The following NBAS variants were observed in gnomAD, a reference collection of about 807,000 sequenced individuals.
The protein encoded by NBAS is NBAS subunit of NRZ tethering complex, also known as NAG/BC035112 fusion.
In NBAS, 219 loss-of-function variants were observed where a neutral mutation model predicts 302.5. That is an observed-to-expected ratio of 0.72 (90% confidence interval 0.65 to 0.81). The LOEUF is 0.81. Ranked by LOEUF, NBAS falls within the 30% of genes least tolerant of loss-of-function variation. NBAS has a pLI of 0.00. For synonymous variants in NBAS, 1,118 were observed against 1,021.6 expected (o/e 1.09, Z -1.80); for missense variants, 2,932 against 2,841.6 (o/e 1.03, Z -0.72).
chr2:15,538,864 C>G (rs1302493042), intron 7 of NBAS, among the ~76,000 whole-genome samples: 27 of 152,134 alleles, frequency 1.8e-4, no homozygotes, highest in Non-Finnish European at 2.9e-5. Context: ...TTTTTCTCTA[C>G]TCGCCTTTTC....
intron 21 of NBAS, among the ~76,000 whole-genome samples, chr2:15,459,803 A>G (rs74259673): frequency 0.013 from 2,030 of 152,220 alleles, 34 homozygotes; most frequent in East Asian, 0.059. Flanking sequence ...TTATCAGAAC[A>G]AAGAGTTACT....
intron 12 of NBAS, among the ~76,000 whole-genome samples, chr2:15,484,264 T>C (rs1006978361): frequency 6.6e-6 from 1 of 152,184 alleles, no homozygotes; most frequent in African/African-American, 2.4e-5. Context: ...TATCATATGC[T>C]AGTCTCTGAT....
At chr2:14,857,424 A>G in the NBAS span, among the ~76,000 whole-genome samples, 1 of 152,200 alleles carries the variant, frequency 6.6e-6, no homozygotes, top group Non-Finnish European at 1.5e-5. Flanking sequence ...ACTTTAAATT[A>G]TACTACAGAG....
At chr2:15,540,368 G>A (rs562777789) in intron 6 of NBAS, among the ~76,000 whole-genome samples, 2 of 151,988 alleles carry the variant, frequency 1.3e-5, no homozygotes, top group East Asian at 2.0e-4. Flanking sequence ...TTCTTTTGAT[G>A]CCTCTGCCAC....
chr2:15,528,758 T>C (rs1663058912), intron 9 of NBAS, among the ~76,000 whole-genome samples: 1 of 149,282 alleles, frequency 6.7e-6, no homozygotes, highest in Non-Finnish European at 1.5e-5. Context: ...TCCCAGCTAC[T>C]CAGGAGGCTA....
At chr2:15,447,338 C>G (rs75001077) in intron 21 of NBAS, among the ~76,000 whole-genome samples, 1,938 of 152,244 alleles carry the variant, frequency 0.013, 31 homozygotes, top group East Asian at 0.06. Context: ...AGAAAGGCAT[C>G]TGACTTGATG....
chr2:15,344,402 T>C (rs1464411591), intron 35 of NBAS, among the ~76,000 whole-genome samples: 1 of 151,734 alleles, frequency 6.6e-6, no homozygotes, highest in Non-Finnish European at 1.5e-5. Context: ...AACAAGAAAA[T>C]CTAGAAGAAA....
At chr2:15,138,075 T>C in the NBAS span, among the ~76,000 whole-genome samples, 17 of 152,278 alleles carry the variant, frequency 1.1e-4, no homozygotes, top group Admixed American at 2.0e-4. Context: ...AGCAAGTCCC[T>C]GTGGCAGCTC....
intron 14 of NBAS, among the ~76,000 whole-genome samples, chr2:15,474,728 T>C (rs1303754974): frequency 1.3e-5 from 2 of 152,010 alleles, no homozygotes; most frequent in African/African-American, 4.8e-5. Flanking sequence ...GCCCAGCCAA[T>C]TTTTGTATTT....
chr2:15,097,934 C>CATATATATTATATTGTATATA, the NBAS span, among the ~76,000 whole-genome samples: 10 of 10,302 alleles, frequency 9.7e-4, no homozygotes, highest in African/African-American at 2.8e-3. Flanking sequence ...ATATATATTA[C>CATATATATTATATTGTATATA]ATATATATTA....
At chr2:15,272,289 G>T (rs1016601599) in intron 44 of NBAS, among the ~76,000 whole-genome samples, 4 of 152,064 alleles carry the variant, frequency 2.6e-5, no homozygotes, top group Non-Finnish European at 5.9e-5. Context: ...TTAAATGTGG[G>T]TACACATTTG....
At chr2:14,997,842 C>G in the NBAS span, among the ~76,000 whole-genome samples, 1 of 152,074 alleles carries the variant, frequency 6.6e-6, no homozygotes, top group East Asian at 1.9e-4. Context: ...GGTCTTGGAG[C>G]CAAGAGATGA....
At chr2:14,898,022 T>C in the NBAS span, among the ~76,000 whole-genome samples, 1 of 152,200 alleles carries the variant, frequency 6.6e-6, no homozygotes, top group African/African-American at 2.4e-5. Context: ...GTAGGAGTTT[T>C]GGTCTGCTGA....
At chr2:15,220,250 C>T (rs1198942085) in intron 47 of NBAS, among the ~76,000 whole-genome samples, 1 of 150,434 alleles carries the variant, frequency 6.6e-6, no homozygotes, top group Non-Finnish European at 1.5e-5. Context: ...CCAGTAGGGG[C>T]GGCCGGGCAG....
rs1677148879 is a variant in NBAS, at chr2:15,420,291, T to C, written c.2578-2579A>G. ...ATGTCAAAAAGCAACGATGTTAAAC[T>C]ACAAATGAAGAGAATGTGACATTAA... On this transcript the variant is annotated intron_variant, in intron 23 of 51. Coordinates refer to ENST00000281513, the MANE Select transcript of NBAS (RefSeq NM_015909.4). Among the ~76,000 whole-genome samples the C allele has an allele frequency of 2.0e-5, 3 of 152,140 alleles. No homozygotes were observed. In the East Asian group the frequency reaches 5.8e-4, roughly 29 times the overall value.
At chr2:15,158,934 G>A in the NBAS span, among the ~76,000 whole-genome samples, 1 of 152,188 alleles carries the variant, frequency 6.6e-6, no homozygotes, top group African/African-American at 2.4e-5. Flanking sequence ...CTGGTTGTGA[G>A]AGTAAACAAT....
At chr2:15,193,983 T>C (rs1398468012) in intron 48 of NBAS, among the ~76,000 whole-genome samples, 1 of 151,732 alleles carries the variant, frequency 6.6e-6, no homozygotes, top group Non-Finnish European at 1.5e-5. Flanking sequence ...TATTCAGATA[T>C]CTTCTGTCTC....
At chr2:15,355,311 TG>T (rs1407779490) in intron 33 of NBAS, among the ~76,000 whole-genome samples, 1 of 151,766 alleles carries the variant, frequency 6.6e-6, no homozygotes, top group African/African-American at 2.4e-5. Context: ...ACAGAGCCCA[TG>T]ATAAGAAAAC....
chr2:14,996,085 C>T, the NBAS span, among the ~76,000 whole-genome samples: 1 of 152,092 alleles, frequency 6.6e-6, no homozygotes, highest in Non-Finnish European at 1.5e-5. Flanking sequence ...AAACAGGTAA[C>T]AATTATAAGC....
Sources: allele counts gnomAD v4.1 joint callset (sites outside exome capture counted in the v4.1 genomes callset), GRCh38; gene constraint gnomAD v4.1.1; transcripts MANE v1.5; gene names NCBI Gene and HGNC (gene_info 2026-07-23, HGNC 2026-07-21).